Variants in REL observed in about 807,000 individuals in gnomAD.
REL encodes the protein REL proto-oncogene, NF-kB subunit, also known as proto-oncogene c-Rel.
Under a neutral mutation model 45.9 loss-of-function variants are expected in REL, and 15 were observed. The observed-to-expected ratio is 0.33, with a 90% confidence interval of 0.22 to 0.50. REL has a LOEUF of 0.50. REL is among the 20% of genes least tolerant of loss of function. The pLI is 0.98. For synonymous variants in REL, 239 were observed against 242.1 expected (o/e 0.99, Z 0.12); for missense variants, 601 against 715.2 (o/e 0.84, Z 1.82).
chr2:60,914,570 G>A (rs576390394), intron 4 of REL, among the ~76,000 whole-genome samples: 30 of 152,060 alleles, frequency 2.0e-4, no homozygotes, highest in African/African-American at 6.7e-4. Flanking sequence ...AAATCTACCC[G>A]AATATGTCCT....
At chr2:60,899,021 TG>T (rs1263834474) in intron 3 of REL, 1 of 152,162 alleles carries the variant, frequency 6.6e-6, no homozygotes, top group Non-Finnish European at 1.5e-5. Context: ...CAGTCAAATA[TG>T]AGATTATTCA....
rs1482218134 is a variant in REL, at chr2:60,916,987, C to T, written c.505C>T (p.Pro169Ser). ...EHGNLTTALP[P>S]VVSNPIYDNR... ...TGGTAATTTGACGACTGCTCTTCCTCCTGTTGTCTCGAACCCAATTTATGA... is the reference window on the plus strand; with the variant it reads ...TGGTAATTTGACGACTGCTCTTCCTTCTGTTGTCTCGAACCCAATTTATGA... The change falls in exon 5 of 10, where the codon CCT (proline) becomes TCT (serine). Residue 169 changes from proline (P) to serine (S), a missense_variant. Physicochemically the swap from Pro to Ser is moderately conservative, Grantham distance 74. Around this residue, in one of 4 missense-constraint regions of REL, gnomAD observed 241 missense variants for 347.0 expected, o/e 0.69. Transcript: ENST00000394479. The T allele has an allele frequency of 1.2e-6, 2 of 1,613,228 alleles. No individual in the cohort carries two copies. Among genetic ancestry groups the T allele is most frequent in the African/African-American group, 1.3e-5 (1 of 75,032 alleles).
rs1240128550 is a variant in REL at position 60,928,226 on chromosome 2, A to T, written c.*5691A>T. ...ATGCTCATGGGTAGGAAGAATCAAT[A>T]TCGTGAAAATGGCCATACTGCCCAA... On this transcript the variant is annotated 3_prime_UTR_variant, in exon 10 of 10. Coordinates refer to ENST00000394479, the MANE Select transcript of REL (RefSeq NM_001291746.2). 6.1e-6 allele frequency: 1 copy of T among 164,506 alleles called. No homozygotes were observed. Among genetic ancestry groups the T allele is most frequent in the Non-Finnish European group, 1.3e-5 (1 of 75,174 alleles). 10.2% of individuals were successfully genotyped at this position (164,506 alleles called of 1,614,324 possible). A position where few individuals can be genotyped will look rare whatever the true frequency, so the allele number is the denominator to read the frequency against.
intron 2 of REL, 138 bp downstream of exon 2, chr2:60,891,963 C>T (rs749905994): frequency 1.5e-5 from 12 of 793,114 alleles, no homozygotes; most frequent in African/African-American, 3.6e-5. Context: ...TTTTTTTAAA[C>T]GGATCTGTCA....
chr2:60,899,794 T>C, intron 3 of REL: 1 of 152,386 alleles, frequency 6.6e-6, no homozygotes, highest in East Asian at 1.9e-4. Flanking sequence ...CCATCGTCTA[T>C]GCTACACATA....
In REL at chr2:60,922,406, G is replaced by A; in HGVS notation, c.1635G>A (p.Glu545=). The change falls in exon 10 of 10, where the codon GAG becomes GAA. Residue 545 remains glutamate, a synonymous_variant. Transcript: ENST00000394479. ...GTGCAGATAACAGCATGATAAATGAGTCGGGACCATCAAACAGTACTAATC... is the reference window on the plus strand; with the variant it reads ...GTGCAGATAACAGCATGATAAATGAATCGGGACCATCAAACAGTACTAATC... ...FSCADNSMIN[E]SGPSNSTNPN... 2 of 1,614,096 alleles carry A rather than the reference G, an allele frequency of 1.2e-6. No homozygotes were observed. The highest frequency in any genetic ancestry group is 1.7e-6 in the Non-Finnish European group (2 of 1,180,004).
At chr2:60,887,867 A>G (rs546598922) in intron 1 of REL, among the ~76,000 whole-genome samples, 11 of 151,598 alleles carry the variant, frequency 7.3e-5, no homozygotes, top group East Asian at 1.9e-4. Flanking sequence ...TTTGTAAACA[A>G]TCTAAAGAAG....
At chr2:60,915,776 G>T (rs1673946707) in intron 4 of REL, among the ~76,000 whole-genome samples, 1 of 152,062 alleles carries the variant, frequency 6.6e-6, no homozygotes, top group African/African-American at 2.4e-5. Flanking sequence ...CTGGATTTCT[G>T]GTTCAAATAC....
chr2:60,886,907 C>T (rs1673085734), intron 1 of REL, among the ~76,000 whole-genome samples: 1 of 152,242 alleles, frequency 6.6e-6, no homozygotes, highest in African/African-American at 2.4e-5. Flanking sequence ...TTTTAAAATA[C>T]TATTCAGAAT....
intron 9 of REL, 136 bp from the exon 10 acceptor site, chr2:60,921,627 T>C: frequency 1.3e-6 from 1 of 767,780 alleles, no homozygotes; most frequent in East Asian, 2.8e-5. Flanking sequence ...TTTACATTTT[T>C]TTATTTGAAA....
chr2:60,909,901 C>A (rs1673764434), intron 4 of REL, among the ~76,000 whole-genome samples: 1 of 151,462 alleles, frequency 6.6e-6, no homozygotes, highest in Non-Finnish European at 1.5e-5. Context: ...GACTCCATCT[C>A]AAAAAAAATA....
At chr2:60,912,373 G>A (rs1231172753) in intron 4 of REL, among the ~76,000 whole-genome samples, 1 of 152,104 alleles carries the variant, frequency 6.6e-6, no homozygotes, top group Admixed American at 6.6e-5. Context: ...ATTTAGTGAT[G>A]TTTTTGTGAC....
At position 60,922,065 on chromosome 2, in the gene REL, A is replaced by C. The variant is rs147811353; in HGVS notation, c.1294A>C (p.Asn432His). The stretch of plus-strand genomic sequence containing the variant: ...AAATGCTTCTAATGCTTGCATTTAC[A>C]ACAATGCCGATGACATAGTCGGAAT... The part of the protein sequence containing the change: ...DLNASNACIY[N>H]NADDIVGMEA... The change falls in exon 10 of 10, where the codon AAC becomes CAC. Residue 432 changes from asparagine (N) to histidine (H), a missense_variant. By Grantham distance (68) the Asn-to-His change is moderately conservative (BLOSUM62 1). Transcript: ENST00000394479. 5 of 1,614,070 alleles carry C rather than the reference A, an allele frequency of 3.1e-6. No homozygotes were observed. The highest frequency in any genetic ancestry group is 1.7e-5 in the Admixed American group (1 of 59,996).
In REL at chr2:60,918,401, A is replaced by T. The variant is rs1159208045; in HGVS notation, c.648A>T (p.Ile216=). 6.2e-7 allele frequency: 1 copy of T among 1,612,978 alleles called. No homozygotes were observed. Among genetic ancestry groups the T allele is most frequent in the Non-Finnish European group, 8.5e-7 (1 of 1,179,558 alleles). Residue 216 remains isoleucine, a synonymous_variant, in exon 7 of 10, where the codon ATA becomes ATT. Coordinates refer to ENST00000394479, the MANE Select transcript of REL (RefSeq NM_001291746.2). ...TGGTTTCTTATTGACTAGATGACAT[A>T]GAAGTTCGTTTTGTGTTGAACGATT... ...LLCDKVQKDD[I]EVRFVLNDWE...
chr2:60,928,321 T>A lies in REL; in HGVS notation c.*5786T>A, dbSNP rs202049215. ...CTTTCTTCACAGAATTGGAAAAAACTACTTTAAAGTTCATATGGAACCAAA... is the reference window on the plus strand; with the variant it reads ...CTTTCTTCACAGAATTGGAAAAAACAACTTTAAAGTTCATATGGAACCAAA... On this transcript the variant is annotated 3_prime_UTR_variant, in exon 10 of 10. Transcript: ENST00000394479. 1 of 152,354 alleles carries A rather than the reference T, an allele frequency of 6.6e-6. No individual in the cohort carries two copies. Among genetic ancestry groups the A allele is most frequent in the East Asian group, 1.9e-4 (1 of 5,218 alleles). 9.4% of individuals were successfully genotyped at this position (152,354 alleles called of 1,614,324 possible). A position where few individuals can be genotyped will look rare whatever the true frequency, so the allele number is the denominator to read the frequency against.
At chr2:60,914,572 A>G (rs1196984804) in intron 4 of REL, among the ~76,000 whole-genome samples, 5 of 152,188 alleles carry the variant, frequency 3.3e-5, no homozygotes, top group African/African-American at 1.2e-4. Flanking sequence ...ATCTACCCGA[A>G]TATGTCCTGC....
At chr2:60,915,297 A>G (rs766280077) in intron 4 of REL, among the ~76,000 whole-genome samples, 2 of 152,242 alleles carry the variant, frequency 1.3e-5, no homozygotes, top group Non-Finnish European at 2.9e-5. Context: ...ATTGAGAGAC[A>G]CTAATATCTT....
chr2:60,888,162 C>G (rs1673115115), intron 1 of REL, among the ~76,000 whole-genome samples: 1 of 152,116 alleles, frequency 6.6e-6, no homozygotes, highest in Non-Finnish European at 1.5e-5. Flanking sequence ...CTCCTGACCT[C>G]AAGTGATCCA....
In REL at chr2:60,921,947, T is replaced by G; in HGVS notation, c.1176T>G (p.Asn392Lys). ...SVAHPTPRSG[N>K]TNPLSSFSTR... The stretch of plus-strand genomic sequence containing the variant: ...CCCACCCCACCCCACGCTCAGGCAA[T>G]ACAAACCCACTGAGTAGTTTTTCAA... Residue 392 changes from asparagine to lysine, a missense_variant, in exon 10 of 10, where the codon AAT (asparagine) becomes AAG (lysine). By Grantham distance (94) the Asn-to-Lys change is moderately conservative (BLOSUM62 0). Around this residue, in one of 4 missense-constraint regions of REL, gnomAD observed 334 missense variants for 333.1 expected, o/e 1.00. Coordinates refer to ENST00000394479, the MANE Select transcript of REL (RefSeq NM_001291746.2). 6.2e-7 allele frequency: 1 copy of G among 1,614,128 alleles called. No homozygotes were observed. The highest frequency in any genetic ancestry group is 1.1e-5 in the South Asian group (1 of 91,082).
Sources: gnomAD v4.1 joint callset for allele counts (sites outside exome capture counted in the v4.1 genomes callset) on GRCh38, gnomAD v4.1.1 for gene constraint, gnomAD v4.1.1 regional missense constraint, MANE v1.5 for transcripts, NCBI Gene and HGNC (gene_info 2026-07-23, HGNC 2026-07-21) for gene names.